NLGN1: variants seen among roughly 807,000 people sequenced by gnomAD.
The protein encoded by NLGN1 is neuroligin-1.
In NLGN1, 12 loss-of-function variants were observed where a neutral mutation model predicts 65.5. The ratio of observed to expected loss-of-function variants is 0.18; its 90% confidence interval spans 0.12 to 0.30. The LOEUF is 0.30. Ranked by LOEUF, NLGN1 falls within the 10% of genes least tolerant of loss-of-function variation. NLGN1 has a pLI of 1.00. For missense variants in NLGN1, 750 were observed against 1,007.1 expected, an observed-to-expected ratio of 0.74 and a Z score of 3.46; for synonymous variants, 350 against 359.5, an observed-to-expected ratio of 0.97 and a Z score of 0.30.
intron 4 of NLGN1, among the ~76,000 whole-genome samples, chr3:174,257,766 C>T (rs1746068220): frequency 6.6e-6 from 1 of 151,194 alleles, no homozygotes; most frequent in African/African-American, 2.4e-5. Flanking sequence ...CCTGTAATTA[C>T]TAGAATTTTT....
intron 4 of NLGN1, among the ~76,000 whole-genome samples, chr3:173,921,425 T>TA (rs1490063103): frequency 5.9e-5 from 9 of 151,262 alleles, no homozygotes; most frequent in Admixed American, 1.3e-4. Context: ...CATTTACACG[T>TA]AAAAAAATGG....
intron 3 of NLGN1, among the ~76,000 whole-genome samples, chr3:173,749,335 A>G (rs1234220536): frequency 2.0e-5 from 3 of 152,024 alleles, no homozygotes; most frequent in Non-Finnish European, 4.4e-5. Context: ...CAGGAGCCCT[A>G]TTGGCCCCAG....
chr3:174,105,236 T>G (rs1052642861), intron 4 of NLGN1, among the ~76,000 whole-genome samples: 3 of 152,038 alleles, frequency 2.0e-5, no homozygotes, highest in African/African-American at 4.8e-5. Flanking sequence ...TGAATTTCAT[T>G]GTTTGGATCA....
chr3:174,136,983 C>A (rs1721341518), intron 4 of NLGN1, among the ~76,000 whole-genome samples: 1 of 152,200 alleles, frequency 6.6e-6, no homozygotes, highest in African/African-American at 2.4e-5. Context: ...CCTAGCCTAT[C>A]TTAAGCATGT....
At chr3:174,292,304 A>T in the NLGN1 span, among the ~76,000 whole-genome samples, 6 of 151,382 alleles carry the variant, frequency 4.0e-5, no homozygotes, top group East Asian at 1.2e-3. Context: ...CCACGCACAC[A>T]AACACACATA....
Position 174,279,752 on chromosome 3 carries a change from A to AT in NLGN1, c.1649+102_1649+103insT. 5 of 680,120 alleles carry AT rather than the reference A, an allele frequency of 7.4e-6. No individual in the cohort carries two copies. The highest frequency in any genetic ancestry group is 9.9e-6 in the Non-Finnish European group (4 of 402,192). The allele number at this position is 680,120 out of a possible 1,614,324, so 42.1% of individuals were successfully genotyped here. A position where few individuals can be genotyped will look rare whatever the true frequency, so the allele number is the denominator to read the frequency against. On this transcript the variant is annotated intron_variant, in intron 6 of 6. Transcript: ENST00000457714. This position sits in a 1 kb window ranked among gnomAD's most constrained non-coding sequence, Gnocchi z 4.7. ...CCAGATAATGTCATATTGGATTAAT[A>AT]CCTGCAAGATATTACATTCCTTTAT...
intron 2 of NLGN1, among the ~76,000 whole-genome samples, chr3:173,498,538 G>A (rs1206074616): frequency 6.6e-6 from 1 of 151,774 alleles, no homozygotes; most frequent in Non-Finnish European, 1.5e-5. Context: ...CTTTATAGTA[G>A]CATGTTTTAT....
At position 174,260,377 on chromosome 3, in the gene NLGN1, C is replaced by G. The variant is rs111333460; in HGVS notation, c.647-14938C>G. On this transcript the variant is annotated intron_variant, in intron 4 of 6. Coordinates refer to ENST00000457714, the Ensembl canonical transcript of NLGN1. ...TCCTGACTTTTTAATGATTGCCATT[C>G]TAACTGGTGTGAGATGGTATCTCAT... Among the ~76,000 whole-genome samples, 1,263 of 150,538 alleles carry G rather than the reference C, an allele frequency of 8.4e-3. 12 individuals carry two copies. Among genetic ancestry groups the G allele is most frequent in the Non-Finnish European group, 0.013 (856 of 67,378 alleles).
chr3:173,567,757 T>C (rs1024378992), intron 2 of NLGN1, among the ~76,000 whole-genome samples: 4 of 152,072 alleles, frequency 2.6e-5, no homozygotes, highest in Non-Finnish European at 4.4e-5. Context: ...TTTCCTTCTC[T>C]GGGATTATTC....
intron 3 of NLGN1, among the ~76,000 whole-genome samples, chr3:173,751,725 G>A (rs973952168): frequency 4.6e-5 from 7 of 152,052 alleles, no homozygotes; most frequent in African/African-American, 1.4e-4. Context: ...CATAGAATGT[G>A]AAGGTTTAAG....
chr3:174,175,902 T>C (rs1417799864), intron 4 of NLGN1, among the ~76,000 whole-genome samples: 1 of 151,964 alleles, frequency 6.6e-6, no homozygotes, highest in Non-Finnish European at 1.5e-5. Context: ...GATTTCCATC[T>C]AGAATATCTT....
chr3:173,799,652 T>A (rs557983756), intron 3 of NLGN1, among the ~76,000 whole-genome samples: 1 of 152,104 alleles, frequency 6.6e-6, no homozygotes, highest in South Asian at 2.1e-4. Flanking sequence ...GTGATACATT[T>A]GTGCAGGATG....
intron 2 of NLGN1, among the ~76,000 whole-genome samples, chr3:173,518,614 T>G (rs1409280307): frequency 1.3e-5 from 2 of 151,850 alleles, no homozygotes; most frequent in African/African-American, 4.8e-5. Context: ...TTATCTCTTA[T>G]TTTCTGACTT....
At chr3:173,590,312 G>A (rs1748254794) in intron 2 of NLGN1, among the ~76,000 whole-genome samples, 1 of 152,122 alleles carries the variant, frequency 6.6e-6, no homozygotes. Context: ...CTTATGGGTA[G>A]AAAAAGTCAC....
At chr3:174,035,836 G>A (rs1560892200) in intron 4 of NLGN1, among the ~76,000 whole-genome samples, 1 of 152,074 alleles carries the variant, frequency 6.6e-6, no homozygotes, top group Non-Finnish European at 1.5e-5. Context: ...GTGCTGGCAA[G>A]TCTAGATCCT....
intron 3 of NLGN1, among the ~76,000 whole-genome samples, chr3:173,704,677 T>C (rs1339587272): frequency 6.6e-6 from 1 of 152,298 alleles, no homozygotes; most frequent in African/African-American, 2.4e-5. Context: ...ACAGAAAAGC[T>C]CAGTGAGATT....
intron 3 of NLGN1, among the ~76,000 whole-genome samples, chr3:173,785,664 A>C (rs892239040): frequency 6.7e-6 from 1 of 149,372 alleles, no homozygotes; most frequent in Non-Finnish European, 1.5e-5. Context: ...ATACATATGC[A>C]TAGTTGAGTT....
intron 4 of NLGN1, among the ~76,000 whole-genome samples, chr3:173,869,827 A>C (rs1248485917): frequency 3.3e-5 from 5 of 152,164 alleles, no homozygotes; most frequent in Admixed American, 6.6e-5. Flanking sequence ...CTTTGACTGA[A>C]ATTTTTTTTT....
At chr3:173,442,201 C>A (rs573308299) in intron 2 of NLGN1, among the ~76,000 whole-genome samples, 1 of 152,022 alleles carries the variant, frequency 6.6e-6, no homozygotes, top group South Asian at 2.1e-4. Context: ...GAGTGCATTG[C>A]CTGTTTATTT....
Sources: gnomAD v4.1 joint callset for allele counts (sites outside exome capture counted in the v4.1 genomes callset) on GRCh38, gnomAD v4.1.1 for gene constraint, Gnocchi (gnomAD v3.1) non-coding constraint, MANE v1.5 for transcripts, NCBI Gene and HGNC (gene_info 2026-07-23, HGNC 2026-07-21) for gene names.